BARX2: variants seen among roughly 807,000 people sequenced by gnomAD.
The protein encoded by BARX2 is BARX homeobox 2, also known as homeobox protein BarH-like 2.
Under a neutral mutation model 25.5 loss-of-function variants are expected in BARX2, and 11 were observed. The observed-to-expected ratio is 0.43, with a 90% CI of 0.27 to 0.71. The LOEUF (loss-of-function observed/expected upper bound fraction) is 0.71, where lower values mean the gene tolerates loss of function less well. Ranked by LOEUF, BARX2 falls within the 30% of genes least tolerant of loss-of-function variation. The probability of loss-of-function intolerance (pLI) is 0.19; values close to 1 mark genes in which losing one functional copy is unlikely to be tolerated. For missense variants in BARX2, 360 were observed against 359.9 expected (o/e 1.00, Z 0.00); for synonymous variants, 137 against 149.5 (o/e 0.92, Z 0.61).
At chr11:129,398,216 C>A (rs1736593301) in intron 1 of BARX2, among the ~76,000 whole-genome samples, 1 of 152,152 alleles carries the variant, frequency 6.6e-6, no homozygotes, top group Non-Finnish European at 1.5e-5. Flanking sequence ...ACGTTTATAG[C>A]TGTTTTGTTT....
At chr11:129,438,753 A>T (rs1223000457) in intron 2 of BARX2, among the ~76,000 whole-genome samples, 1 of 152,196 alleles carries the variant, frequency 6.6e-6, no homozygotes, top group African/African-American at 2.4e-5. Context: ...TGGGGAAGGA[A>T]CGACTACAGG....
Position 129,437,137 on chromosome 11 carries a change from A to C in BARX2, c.488+86A>C, listed in dbSNP as rs938081319. 2.2e-6 allele frequency: 3 copies of C among 1,358,436 alleles called. No individual in the cohort carries two copies. The African/African-American group carries it at 4.4e-5, about 20-fold the overall frequency. 84.1% of individuals were successfully genotyped at this position (1,358,436 alleles called of 1,614,324 possible). On this transcript the variant is annotated intron_variant, in intron 2 of 3. Coordinates refer to ENST00000281437, the MANE Select transcript of BARX2 (RefSeq NM_003658.5). ...CCATTGTGGGCCGTGGAGCCACAGC[A>C]CTGGTACAGTGAGGCAGGACACTAT...
chr11:129,383,379 T>C (rs1861587509), intron 1 of BARX2, among the ~76,000 whole-genome samples: 1 of 152,152 alleles, frequency 6.6e-6, no homozygotes, highest in Non-Finnish European at 1.5e-5. Context: ...TAGATAGATA[T>C]CAGAAGGCGG....
intron 1 of BARX2, among the ~76,000 whole-genome samples, chr11:129,412,278 A>C (rs374325206): frequency 9.2e-4 from 140 of 152,058 alleles, no homozygotes; most frequent in African/African-American, 3.3e-3. Context: ...TCTCAAAAAA[A>C]AAAAACAAAC....
intron 3 of BARX2, among the ~76,000 whole-genome samples, chr11:129,444,054 G>T (rs1322082222): frequency 6.6e-6 from 1 of 151,790 alleles, no homozygotes; most frequent in African/African-American, 2.4e-5. Context: ...GCTAAAATAT[G>T]ATGTTTTTCA....
Position 129,452,185 on chromosome 11 carries a change from G to A in BARX2, c.*783G>A, listed in dbSNP as rs947878145. On this transcript the variant is annotated 3_prime_UTR_variant, in exon 4 of 4. Coordinates refer to ENST00000281437, the MANE Select transcript of BARX2 (RefSeq NM_003658.5). ...TTCATAAAAAACATTTGTGACCTTC[G>A]GCATAAATGGGTTAAGGTGCCATCC... is the stretch of plus-strand genomic sequence containing the variant. 1 of 151,990 alleles carries A rather than the reference G, an allele frequency of 6.6e-6. No individual in the cohort carries two copies. Among genetic ancestry groups the A allele is most frequent in the African/African-American group, 2.4e-5 (1 of 41,372 alleles). The allele number at this position is 151,990 out of a possible 1,614,324, so 9.4% of individuals were successfully genotyped here. A position where few individuals can be genotyped will look rare whatever the true frequency, so the allele number is the denominator to read the frequency against.
Position 129,450,503 on chromosome 11 carries a change from T to C in BARX2, c.574-633T>C, listed in dbSNP as rs914467714. ...TCTCCTATATAGTAATTGTAATGGT[T>C]GTCAAGTATTCTGTCTTTGGGATTT... On this transcript the variant is annotated intron_variant, in intron 3 of 3. Transcript: ENST00000281437. Among the ~76,000 whole-genome samples the C allele has an allele frequency of 4.6e-5, 7 of 152,326 alleles. No individual in the cohort carries two copies. The East Asian group carries it at 1.4e-3, about 29-fold the overall frequency.
chr11:129,395,290 T>C (rs1451377970), intron 1 of BARX2, among the ~76,000 whole-genome samples: 1 of 152,142 alleles, frequency 6.6e-6, no homozygotes. Context: ...GGATTGACAA[T>C]ATTTCCATTG....
intron 1 of BARX2, among the ~76,000 whole-genome samples, chr11:129,387,809 G>C (rs1320396703): frequency 6.6e-6 from 1 of 152,172 alleles, no homozygotes; most frequent in Non-Finnish European, 1.5e-5. Context: ...GTGCTAAATA[G>C]GAGTAACAAC....
At chr11:129,442,590 T>C (rs1044440549) in intron 2 of BARX2, 1 of 489,152 alleles carries the variant, frequency 2.0e-6, no homozygotes, top group Admixed American at 3.2e-5. Flanking sequence ...AGACCGTGAA[T>C]GTTTCAGGAT....
chr11:129,450,098 C>T (rs951782932), intron 3 of BARX2, among the ~76,000 whole-genome samples: 4 of 152,212 alleles, frequency 2.6e-5, no homozygotes, highest in African/African-American at 7.2e-5. Flanking sequence ...GATTAGAAAA[C>T]GGACACTCAG....
At position 129,436,176 on chromosome 11, in the gene BARX2, T is replaced by G. The variant is rs971104351; in HGVS notation, c.188-575T>G. The G allele has an allele frequency of 6.6e-6, 1 of 152,314 alleles. No individual in the cohort carries two copies. The highest frequency in any genetic ancestry group is 1.5e-5 in the Non-Finnish European group (1 of 68,124). 9.4% of individuals were successfully genotyped at this position (152,314 alleles called of 1,614,324 possible). A position where few individuals can be genotyped will look rare whatever the true frequency, so the allele number is the denominator to read the frequency against. The stretch of plus-strand genomic sequence containing the variant: ...TCTGCTGCTTCCTAGTTACGTTATC[T>G]TAGGCAACTCACTTAACCTTCCTGG... On this transcript the variant is annotated intron_variant, in intron 1 of 3. Coordinates refer to ENST00000281437, the MANE Select transcript of BARX2 (RefSeq NM_003658.5). This position sits in a 1 kb window ranked among gnomAD's most constrained non-coding sequence, Gnocchi z 4.5.
Position 129,376,247 on chromosome 11 carries a change from G to T in BARX2, c.187+25G>T. Reference sequence around the variant, plus strand: ...GGTAAGACGCTCCGCTAGGGGATAAGTGGGGTTCGGTAGCTTTCACGTCCG... The same window carrying T: ...GGTAAGACGCTCCGCTAGGGGATAATTGGGGTTCGGTAGCTTTCACGTCCG... On this transcript the variant is annotated intron_variant, in intron 1 of 3. Transcript: ENST00000281437. This position sits in a 1 kb window ranked among gnomAD's most constrained non-coding sequence, Gnocchi z 4.2. 1 of 1,576,760 alleles carries T rather than the reference G, an allele frequency of 6.3e-7. No individual in the cohort carries two copies. The highest frequency in any genetic ancestry group is 8.6e-7 in the Non-Finnish European group (1 of 1,160,858).
chr11:129,435,603 C>T lies in BARX2; in HGVS notation c.188-1148C>T, dbSNP rs532966568. ...CCAAAGGGCAGTCCCTGGGTCTTCT[C>T]CATTTTCATCAGATATCAAATGGGG... is the stretch of plus-strand genomic sequence containing the variant. On this transcript the variant is annotated intron_variant, in intron 1 of 3. Transcript: ENST00000281437. Among the ~76,000 whole-genome samples the T allele has an allele frequency of 1.5e-4, 23 of 152,276 alleles. No homozygotes were observed. The South Asian group carries it at 4.6e-3, about 30-fold the overall frequency.
intron 1 of BARX2, among the ~76,000 whole-genome samples, chr11:129,388,093 C>CTGTGTGTGTGTGTGTGTG (rs34835803): frequency 6.8e-6 from 1 of 146,924 alleles, no homozygotes; most frequent in East Asian, 2.0e-4. Context: ...AGGCAACATA[C>CTGTGTGTGTGTGTGTGTG]TGTGTGTGTG....
chr11:129,437,564 T>C, intron 2 of BARX2: 2 of 958,844 alleles, frequency 2.1e-6, no homozygotes, highest in Non-Finnish European at 2.5e-6. Flanking sequence ...ATTTGCTGGA[T>C]GTCAAGTCAG....
At chr11:129,430,831 T>A (rs1862120098) in intron 1 of BARX2, among the ~76,000 whole-genome samples, 1 of 152,184 alleles carries the variant, frequency 6.6e-6, no homozygotes, top group Non-Finnish European at 1.5e-5. Context: ...CATAGTCATT[T>A]GAGATTCATC....
chr11:129,442,655 G>T, intron 2 of BARX2, 180 bp from the exon 3 acceptor site: 1 of 590,276 alleles, frequency 1.7e-6, no homozygotes, highest in Non-Finnish European at 3.0e-6. Flanking sequence ...GCTTCCCAGA[G>T]TTTCCTCTGT....
In BARX2 at chr11:129,422,945, C is replaced by T. The variant is rs889936512; in HGVS notation, c.188-13806C>T. Among the ~76,000 whole-genome samples, 5 of 151,754 alleles carry T rather than the reference C, an allele frequency of 3.3e-5. No homozygotes were observed. The East Asian group carries it at 5.8e-4, about 18-fold the overall frequency. On this transcript the variant is annotated intron_variant, in intron 1 of 3. Coordinates refer to ENST00000281437, the MANE Select transcript of BARX2 (RefSeq NM_003658.5). ...CTCAGACTCCCGACCTCAGATGATC[C>T]ACATGCCTTGGCCTCCCAAAGTGCT...
Sources: allele counts gnomAD v4.1 joint callset (sites outside exome capture counted in the v4.1 genomes callset), GRCh38; gene constraint gnomAD v4.1.1; non-coding constraint Gnocchi (gnomAD v3.1); transcripts MANE v1.5; gene names NCBI Gene and HGNC (gene_info 2026-07-23, HGNC 2026-07-21).